NRXN1: variants seen among roughly 807,000 people sequenced by gnomAD.
The protein encoded by NRXN1 is neurexin-1.
In NRXN1, 39 loss-of-function variants were observed where a neutral mutation model predicts 150.9. The observed-to-expected ratio is 0.26, with a 90% CI of 0.20 to 0.34. The LOEUF is 0.34. Among genes scored for constraint, NRXN1 ranks in the 10% least tolerant of loss-of-function variants. The pLI is 1.00. For synonymous variants in NRXN1, 924 were observed against 757.0 expected, an observed-to-expected ratio of 1.22 and a Z score of -3.62; for missense variants, 1,815 against 1,949.9, an observed-to-expected ratio of 0.93 and a Z score of 1.30.
At chr2:50,528,933 C>T (rs2093028160) in intron 11 of NRXN1, 1 of 337,270 alleles carries the variant, frequency 3.0e-6, no homozygotes, top group Non-Finnish European at 5.4e-6. Flanking sequence ...AGATGTTTGG[C>T]TTAGACTGGC....
At chr2:50,886,631 AT>A (rs2103768948) in intron 5 of NRXN1, among the ~76,000 whole-genome samples, 1 of 151,514 alleles carries the variant, frequency 6.6e-6, no homozygotes, top group East Asian at 1.9e-4. Flanking sequence ...TAAAGTCTGT[AT>A]TCTATCAATA....
rs527791488 is a variant in NRXN1 at position 50,686,361 on chromosome 2, AATT to A, written c.833-62749_833-62747del. Reference sequence around the variant, plus strand: ...GACGTTGCAACCAGAAATTGCAGCAAATTCCTCTCACACTCCTGAGTCTTTCTA... The same window carrying A: ...GACGTTGCAACCAGAAATTGCAGCAACCTCTCACACTCCTGAGTCTTTCTA... On this transcript the variant is annotated intron_variant, in intron 5 of 22. Coordinates refer to ENST00000401669, the MANE Select transcript of NRXN1 (RefSeq NM_001330078.2). Among the ~76,000 whole-genome samples, 222 of 152,216 alleles carry A rather than the reference AATT, an allele frequency of 1.5e-3. 1 individual carries two copies. The highest frequency in any genetic ancestry group is 2.7e-3 in the Non-Finnish European group (185 of 67,980).
chr2:50,955,041 G>A (rs899013420), intron 2 of NRXN1, among the ~76,000 whole-genome samples: 8 of 152,144 alleles, frequency 5.3e-5, no homozygotes, highest in African/African-American at 1.7e-4. Context: ...AGAAGCAGGT[G>A]CAGGGTGTAT....
chr2:50,239,164 G>T (rs116675926), intron 17 of NRXN1, among the ~76,000 whole-genome samples: 1,522 of 151,964 alleles, frequency 0.01, 25 homozygotes, highest in African/African-American at 0.035. Context: ...TTTTGCAAAT[G>T]ATTAAGTATT....
chr2:50,633,951 A>C (rs2104425131), intron 5 of NRXN1, among the ~76,000 whole-genome samples: 1 of 152,266 alleles, frequency 6.6e-6, no homozygotes, highest in Middle Eastern at 3.4e-3. Flanking sequence ...AATGATGATT[A>C]AATTGAGATC....
At chr2:50,726,687 C>G (rs1192965023) in intron 5 of NRXN1, among the ~76,000 whole-genome samples, 3 of 152,068 alleles carry the variant, frequency 2.0e-5, no homozygotes, top group Non-Finnish European at 4.4e-5. Context: ...ATGACAGAAG[C>G]CACCTAGAAT....
chr2:50,795,309 A>G (rs904904686), intron 5 of NRXN1, among the ~76,000 whole-genome samples: 3 of 152,080 alleles, frequency 2.0e-5, no homozygotes, highest in Non-Finnish European at 4.4e-5. Context: ...ACTACCCAAG[A>G]ATTTAAAAGA....
At chr2:50,263,198 A>T (rs576756018) in intron 17 of NRXN1, among the ~76,000 whole-genome samples, 5 of 150,942 alleles carry the variant, frequency 3.3e-5, no homozygotes, top group African/African-American at 1.2e-4. Context: ...ACACACATAC[A>T]CAAACAGCAA....
chr2:50,628,028 T>C (rs1282710918), intron 5 of NRXN1, among the ~76,000 whole-genome samples: 1 of 151,882 alleles, frequency 6.6e-6, no homozygotes, highest in African/African-American at 2.4e-5. Context: ...TTAAGAAAGA[T>C]TCCACTTAGA....
chr2:50,362,904 T>C (rs1431314317), intron 17 of NRXN1, among the ~76,000 whole-genome samples: 1 of 151,978 alleles, frequency 6.6e-6, no homozygotes, highest in Non-Finnish European at 1.5e-5. Flanking sequence ...TATAGACCAA[T>C]GGAATAGAAT....
rs998922028 is a variant in NRXN1 at position 50,615,353 on chromosome 2, G to A, written c.1320+4669C>T. On this transcript the variant is annotated intron_variant, in intron 8 of 22. Coordinates refer to ENST00000401669, the MANE Select transcript of NRXN1 (RefSeq NM_001330078.2). ...GACTAAAAACAAACTTCAAATAAAG[G>A]ATTCTAGGTTGTTTTATTTAACACA... 3 of 152,076 alleles carry A rather than the reference G, an allele frequency of 2.0e-5. No homozygotes were observed. The South Asian group carries it at 6.2e-4, about 32-fold the overall frequency. The allele number at this position is 152,076 out of a possible 1,614,324, so 9.4% of individuals were successfully genotyped here.
chr2:50,328,753 A>C (rs570820137), intron 17 of NRXN1, among the ~76,000 whole-genome samples: 6 of 152,240 alleles, frequency 3.9e-5, no homozygotes, highest in African/African-American at 1.4e-4. Context: ...AAAACAAAAA[A>C]AGAATTGGAA....
At chr2:50,146,883 C>G (rs1708083239) in intron 18 of NRXN1, among the ~76,000 whole-genome samples, 1 of 151,626 alleles carries the variant, frequency 6.6e-6, no homozygotes, top group Non-Finnish European at 1.5e-5. Flanking sequence ...CTGAAGGTTT[C>G]AATTTATTCC....
chr2:51,017,872 T>C (rs1668972878), intron 2 of NRXN1, among the ~76,000 whole-genome samples: 3 of 152,120 alleles, frequency 2.0e-5, no homozygotes. Context: ...TTAAGCTGTA[T>C]AGTGGTTTCT....
chr2:50,785,288 G>A (rs564342529), intron 5 of NRXN1, among the ~76,000 whole-genome samples: 64 of 124,568 alleles, frequency 5.1e-4, no homozygotes, highest in African/African-American at 1.8e-3. Flanking sequence ...TCATTCTGTC[G>A]CCCCCGCTGG....
chr2:49,920,197 T>C lies in NRXN1; in HGVS notation c.*1747A>G, dbSNP rs562308222. 356 of 152,302 alleles carry C rather than the reference T, an allele frequency of 2.3e-3. No individual in the cohort carries two copies. Among genetic ancestry groups the C allele is most frequent in the African/African-American group, 8.0e-3 (334 of 41,566 alleles). 9.4% of individuals were successfully genotyped at this position (152,302 alleles called of 1,614,324 possible). A position where few individuals can be genotyped will look rare whatever the true frequency, so the allele number is the denominator to read the frequency against. On this transcript the variant is annotated 3_prime_UTR_variant, in exon 23 of 23. Coordinates refer to ENST00000401669, the MANE Select transcript of NRXN1 (RefSeq NM_001330078.2). Reference sequence around the variant, plus strand: ...CTAAAACTATATTTAATGATATATATGTAAAACCAGAAAAGTTAAAACATA... The same window carrying C: ...CTAAAACTATATTTAATGATATATACGTAAAACCAGAAAAGTTAAAACATA...
intron 8 of NRXN1, among the ~76,000 whole-genome samples, chr2:50,555,045 A>T (rs1668029784): frequency 6.6e-6 from 1 of 152,160 alleles, no homozygotes; most frequent in African/African-American, 2.4e-5. Flanking sequence ...GGCAGGGAAA[A>T]TGCTTTTCAA....
chr2:50,008,732 A>C (rs1269606159), intron 21 of NRXN1, among the ~76,000 whole-genome samples: 1 of 152,112 alleles, frequency 6.6e-6, no homozygotes, highest in Non-Finnish European at 1.5e-5. Flanking sequence ...AACCCTGCAT[A>C]GGAAGGAGAA....
At chr2:50,908,167 T>A (rs905502054) in intron 5 of NRXN1, among the ~76,000 whole-genome samples, 4 of 152,092 alleles carry the variant, frequency 2.6e-5, no homozygotes. Flanking sequence ...CTACTTTTAA[T>A]GATTGAAGGT....
Sources: gnomAD v4.1 joint callset for allele counts (sites outside exome capture counted in the v4.1 genomes callset) on GRCh38, gnomAD v4.1.1 for gene constraint, MANE v1.5 for transcripts, NCBI Gene and HGNC (gene_info 2026-07-23, HGNC 2026-07-21) for gene names.